Variants in PDE2A observed in about 807,000 individuals in gnomAD.
The protein encoded by PDE2A is phosphodiesterase 2A.
Under a neutral mutation model 133.6 loss-of-function variants are expected in PDE2A, and 53 were observed. The ratio of observed to expected loss-of-function variants is 0.40; its 90% CI spans 0.32 to 0.50. The LOEUF (loss-of-function observed/expected upper bound fraction) is 0.50, where lower values mean the gene tolerates loss of function less well. PDE2A is among the 20% of genes least tolerant of loss of function. The probability of loss-of-function intolerance (pLI) is 0.73; values close to 1 mark genes in which losing one functional copy is unlikely to be tolerated. For missense variants in PDE2A, 796 were observed against 1,232.4 expected, an observed-to-expected ratio of 0.65 and a Z score of 5.30; for synonymous variants, 491 against 490.2, an observed-to-expected ratio of 1.00 and a Z score of -0.02.
chr11:72,650,784 C>A (rs574846048), intron 1 of PDE2A, among the ~76,000 whole-genome samples: 1 of 151,908 alleles, frequency 6.6e-6, no homozygotes, highest in Non-Finnish European at 1.5e-5. Context: ...TGAGGCTGCC[C>A]GGCTTTCCTC....
At chr11:72,585,293 G>T in intron 16 of PDE2A, 78 bp downstream of exon 16, 1 of 1,188,034 alleles carries the variant, frequency 8.4e-7, no homozygotes, top group East Asian at 2.4e-5. Context: ...AAAGGGAAGT[G>T]GGTGGGGCAG....
chr11:72,612,275 C>CCACACACACACA (rs55775130), intron 2 of PDE2A, among the ~76,000 whole-genome samples: 13 of 124,186 alleles, frequency 1.0e-4, no homozygotes, highest in African/African-American at 2.8e-4. Flanking sequence ...CACATCACAT[C>CCACACACACACA]CACACACACA....
At chr11:72,662,781 T>G (rs975439757) in intron 1 of PDE2A, among the ~76,000 whole-genome samples, 3 of 152,116 alleles carry the variant, frequency 2.0e-5, no homozygotes, top group Admixed American at 6.5e-5. Context: ...CAATACTGCC[T>G]CTCACCTGGG....
At position 72,589,213 on chromosome 11, in the gene PDE2A, C is replaced by T. The variant is rs372085636; in HGVS notation, c.901G>A (p.Glu301Lys). 10 of 1,613,752 alleles carry T rather than the reference C, an allele frequency of 6.2e-6. No individual in the cohort carries two copies. In the African/African-American group the frequency reaches 1.2e-4, roughly 19 times the overall value. ...PLTGCLGQVV[E>K]DKKSIQLKDL... ...TTCAGCTGGATGGACTTCTTGTCTT[C>T]CACCACCTGGCCCAGGCATCCTGTC... The change falls in exon 12 of 31, where the codon GAA becomes AAA. Residue 301 changes from glutamate (E) to lysine (K), a missense_variant. Glu to Lys is a moderately conservative substitution (Grantham distance 56). Transcript: ENST00000334456.
intron 2 of PDE2A, among the ~76,000 whole-genome samples, chr11:72,641,135 C>T (rs937779379): frequency 6.6e-6 from 1 of 152,234 alleles, no homozygotes; most frequent in South Asian, 2.1e-4. Flanking sequence ...TTGCAGTTTA[C>T]TCTTCCCTAT....
At position 72,584,645 on chromosome 11, in the gene PDE2A, T is replaced by G. The variant is rs1305876233; in HGVS notation, c.1443A>C (p.Ala481=). ...TTGQILNIPD[A]YAHPLFYRGV... ...CGCGGTAGAAAAGCGGATGGGCATA[T>G]GCGTCAGGGATGTTCAGGATCTGGC... is the stretch of plus-strand genomic sequence containing the variant. Residue 481 remains alanine (A), a synonymous_variant, in exon 18 of 31, where the codon GCA becomes GCC. Transcript: ENST00000334456. 1 of 1,613,320 alleles carries G rather than the reference T, an allele frequency of 6.2e-7. No individual in the cohort carries two copies. The highest frequency in any genetic ancestry group is 8.5e-7 in the Non-Finnish European group (1 of 1,180,036).
intron 2 of PDE2A, among the ~76,000 whole-genome samples, chr11:72,612,062 C>T (rs1249153460): frequency 6.6e-6 from 1 of 151,978 alleles, no homozygotes; most frequent in Non-Finnish European, 1.5e-5. Flanking sequence ...CAGGGGGCTT[C>T]GATCTTAAAA....
intron 6 of PDE2A, 23 bp downstream of exon 6, chr11:72,596,570 C>T: frequency 1.4e-6 from 2 of 1,440,984 alleles, no homozygotes; most frequent in Non-Finnish European, 1.8e-6. Context: ...TCCCTACATC[C>T]CACCGCCTAG....
rs1043095565 is a variant in PDE2A at position 72,577,381 on chromosome 11, G to T, written c.*3C>A. ...CTGGGCAGGGAAGTGTCCCTGGAGG[G>T]GATCACTCAGCATCAAGGCTGCAGC... is the stretch of plus-strand genomic sequence containing the variant. On this transcript the variant is annotated 3_prime_UTR_variant, in exon 31 of 31. Coordinates refer to ENST00000334456, the MANE Select transcript of PDE2A (RefSeq NM_002599.5). 2.5e-6 allele frequency: 4 copies of T among 1,610,252 alleles called. No homozygotes were observed. The highest frequency in any genetic ancestry group is 1.7e-5 in the Admixed American group (1 of 59,972).
chr11:72,585,222 G>T, intron 16 of PDE2A, 149 bp downstream of exon 16: 1 of 731,438 alleles, frequency 1.4e-6, no homozygotes, highest in Non-Finnish European at 2.4e-6. Context: ...AGTCTAGCGA[G>T]GGAGACAGGC....
intron 25 of PDE2A, 92 bp downstream of exon 25, chr11:72,580,485 C>G (rs1368564526): frequency 1.1e-6 from 1 of 947,284 alleles, no homozygotes; most frequent in Non-Finnish European, 1.7e-6. Context: ...GTCTGGAGAG[C>G]ATGGTTTGGG....
At position 72,581,489 on chromosome 11, in the gene PDE2A, G is replaced by A; in HGVS notation, c.1923-10C>T. The stretch of plus-strand genomic sequence containing the variant: ...CACCATCAAACAGAACCTGGGGGAG[G>A]GAAGAGGGCAGAAGAGGGGCCTCAG... On this transcript the variant is annotated splice_polypyrimidine_tract_variant and intron_variant, in intron 22 of 30. Coordinates refer to ENST00000334456, the MANE Select transcript of PDE2A (RefSeq NM_002599.5). 1 of 1,586,506 alleles carries A rather than the reference G, an allele frequency of 6.3e-7. No homozygotes were observed. Among genetic ancestry groups the A allele is most frequent in the Non-Finnish European group, 8.6e-7 (1 of 1,166,836 alleles).
intron 4 of PDE2A, among the ~76,000 whole-genome samples, chr11:72,601,660 T>C (rs1856757176): frequency 6.6e-6 from 1 of 152,080 alleles, no homozygotes; most frequent in African/African-American, 2.4e-5. Context: ...GGCTTTAAGA[T>C]AGCAGGAGAC....
chr11:72,578,220 T>G lies in PDE2A; in HGVS notation c.2615+13A>C. On this transcript the variant is annotated intron_variant, in intron 30 of 30. Coordinates refer to ENST00000334456, the MANE Select transcript of PDE2A (RefSeq NM_002599.5). This position sits in a 1 kb window ranked among gnomAD's most constrained non-coding sequence, Gnocchi z 4.2. ...CTGTGCAGGGTGCAGCTTGTCCCCA[T>G]GAGCTCACTCACTTGTAGATGGGCA... 1.3e-3 allele frequency: 1,914 copies of G among 1,508,038 alleles called. No homozygotes were observed. The highest frequency in any genetic ancestry group is 1.6e-3 in the Non-Finnish European group (1,778 of 1,082,524). The allele number at this position is 1,508,038 out of a possible 1,614,324, so 93.4% of individuals were successfully genotyped here.
At chr11:72,581,503 G>T in intron 22 of PDE2A, 24 bp from the exon 23 acceptor site, 2 of 1,575,210 alleles carry the variant, frequency 1.3e-6, no homozygotes, top group Admixed American at 1.9e-5. Flanking sequence ...GAGGGCAGAA[G>T]AGGGGCCTCA....
chr11:72,633,182 G>A (rs1858505058), intron 2 of PDE2A, among the ~76,000 whole-genome samples: 1 of 132,694 alleles, frequency 7.5e-6, no homozygotes, highest in Non-Finnish European at 1.6e-5. Context: ...GTCAGACCAG[G>A]ACCCTAGTCC....
chr11:72,620,077 C>G (rs962811084), intron 2 of PDE2A, among the ~76,000 whole-genome samples: 2 of 152,208 alleles, frequency 1.3e-5, no homozygotes, highest in Admixed American at 6.5e-5. Flanking sequence ...CACCCCACCT[C>G]TGCTGGAGCT....
intron 2 of PDE2A, among the ~76,000 whole-genome samples, chr11:72,631,872 C>G (rs1463797018): frequency 6.6e-6 from 1 of 152,202 alleles, no homozygotes; most frequent in African/African-American, 2.4e-5. Flanking sequence ...CAGGCTCCTG[C>G]CCCTCCCCAC....
chr11:72,669,697 T>TGATG (rs1041608251), intron 1 of PDE2A, among the ~76,000 whole-genome samples: 10 of 151,900 alleles, frequency 6.6e-5, no homozygotes, highest in African/African-American at 2.4e-4. Context: ...TAATAAGGGG[T>TGATG]GATGGCTCAT....
Sources: gnomAD v4.1 joint callset for allele counts (sites outside exome capture counted in the v4.1 genomes callset) on GRCh38, gnomAD v4.1.1 for gene constraint, Gnocchi (gnomAD v3.1) non-coding constraint, MANE v1.5 for transcripts, NCBI Gene and HGNC (gene_info 2026-07-23, HGNC 2026-07-21) for gene names.